Variants in MTHFSD observed in about 807,000 individuals in gnomAD.
MTHFSD encodes methenyltetrahydrofolate synthase domain-containing protein.
A neutral mutation model predicts 31.1 loss-of-function variants in MTHFSD; 37 were observed. That is an observed-to-expected ratio of 1.19 (90% CI 0.91 to 1.56). MTHFSD has a LOEUF of 1.56. MTHFSD is among the 40% of genes most tolerant of loss of function. The probability of loss-of-function intolerance (pLI) is 0.00; values close to 1 mark genes in which losing one functional copy is unlikely to be tolerated. For missense variants in MTHFSD, 664 were observed against 510.1 expected, an observed-to-expected ratio of 1.30 and a Z score of -2.91; for synonymous variants, 221 against 206.9, an observed-to-expected ratio of 1.07 and a Z score of -0.59.
intron 7 of MTHFSD, among the ~76,000 whole-genome samples, chr16:86,534,435 G>A (rs1970398380): frequency 6.6e-6 from 1 of 152,130 alleles, no homozygotes; most frequent in African/African-American, 2.4e-5. Flanking sequence ...GTGAAGCCTC[G>A]CCTGAGAATG....
At chr16:86,532,657 T>C (rs1017323547) in intron 7 of MTHFSD, 176 bp from the exon 8 acceptor site, 6 of 429,754 alleles carry the variant, frequency 1.4e-5, no homozygotes, top group Non-Finnish European at 2.4e-5. Context: ...ACACAGACGA[T>C]GTCACCAGTC....
At chr16:86,555,093 C>T (rs1973901921) in intron 1 of MTHFSD, 76 bp downstream of exon 1, 3 of 1,516,030 alleles carry the variant, frequency 2.0e-6, no homozygotes, top group Non-Finnish European at 2.6e-6. Flanking sequence ...GCCCCGGTGG[C>T]CCCGCCTCGA....
rs202063798 is a variant in MTHFSD, at chr16:86,532,001, G to A, written c.*10C>T. The A allele has an allele frequency of 2.1e-5, 30 of 1,456,010 alleles. No individual in the cohort carries two copies. The East Asian group carries it at 7.0e-4, about 34-fold the overall frequency. The allele number at this position is 1,456,010 out of a possible 1,614,324, so 90.2% of individuals were successfully genotyped here. Reference sequence around the variant, plus strand: ...CGAGTCTGCAGTGAGCTCCGTGGCTGTCCACGAGGTCACTTGTCCCTCTGC... The same window carrying A: ...CGAGTCTGCAGTGAGCTCCGTGGCTATCCACGAGGTCACTTGTCCCTCTGC... On this transcript the variant is annotated 3_prime_UTR_variant, in exon 8 of 8. Coordinates refer to ENST00000360900, the MANE Select transcript of MTHFSD (RefSeq NM_001159377.2).
intron 3 of MTHFSD, among the ~76,000 whole-genome samples, chr16:86,549,833 T>C (rs572042674): frequency 9.8e-5 from 15 of 152,346 alleles, no homozygotes; most frequent in African/African-American, 1.7e-4. Flanking sequence ...GGAGTACTGA[T>C]TGAACAGAAT....
At position 86,531,234 on chromosome 16, in the gene MTHFSD, G is replaced by C. The variant is rs1048751604; in HGVS notation, c.*777C>G. 2 of 152,236 alleles carry C rather than the reference G, an allele frequency of 1.3e-5. No individual in the cohort carries two copies. The highest frequency in any genetic ancestry group is 1.3e-4 in the Admixed American group (2 of 15,282). 9.4% of individuals were successfully genotyped at this position (152,236 alleles called of 1,614,324 possible). ...TCAGCCAAACTCAAGCTGGTTTTTA[G>C]AAACAGAACTGGAGGAAAAAAACCC... On this transcript the variant is annotated 3_prime_UTR_variant, in exon 8 of 8. Transcript: ENST00000360900. The surrounding 1 kb of genome is among the most constrained non-coding windows in gnomAD (Gnocchi z 5.5).
Position 86,532,329 on chromosome 16 carries a change from C to T in MTHFSD, c.834G>A (p.Arg278=). ...TTTCTGGTCCGGGTGTGTCCGGGGG[C>T]CTCCTGCCAACACTCAGGGGCACTG... ...QQTVPLSVGR[R]PPDTPGPETN... Residue 278 remains arginine (R), a synonymous_variant, in exon 8 of 8, where the codon AGG becomes AGA. Coordinates refer to ENST00000360900, the MANE Select transcript of MTHFSD (RefSeq NM_001159377.2). 1.3e-6 allele frequency: 2 copies of T among 1,595,150 alleles called. No individual in the cohort carries two copies. The highest frequency in any genetic ancestry group is 1.7e-6 in the Non-Finnish European group (2 of 1,171,604).
At chr16:86,539,446 C>G (rs1291790202) in intron 7 of MTHFSD, among the ~76,000 whole-genome samples, 1 of 152,242 alleles carries the variant, frequency 6.6e-6, no homozygotes, top group Non-Finnish European at 1.5e-5. Context: ...TTGACTGCGG[C>G]CATGCTCCCA....
chr16:86,553,209 C>A (rs544814864), intron 2 of MTHFSD: 1 of 152,246 alleles, frequency 6.6e-6, no homozygotes, highest in Admixed American at 6.5e-5. Flanking sequence ...TGCTTCCGGC[C>A]AGGATAAATA....
At chr16:86,543,078 A>G (rs1404434794) in intron 5 of MTHFSD, among the ~76,000 whole-genome samples, 1 of 152,256 alleles carries the variant, frequency 6.6e-6, no homozygotes, top group Non-Finnish European at 1.5e-5. Context: ...AAACAAGAGA[A>G]AGAAAATTCA....
intron 2 of MTHFSD, among the ~76,000 whole-genome samples, chr16:86,554,228 G>T (rs565426192): frequency 5.9e-5 from 9 of 152,272 alleles, no homozygotes; most frequent in East Asian, 1.9e-4. Flanking sequence ...GCTAAGGTCT[G>T]CAGCTTCACT....
Position 86,532,448 on chromosome 16 carries a change from G to T in MTHFSD, c.715C>A (p.Leu239Met), listed in dbSNP as rs183105616. The change falls in exon 8 of 8, where the codon CTG becomes ATG. Residue 239 changes from leucine to methionine, a missense_variant. By Grantham distance (15) the Leu-to-Met change is conservative (BLOSUM62 2). Transcript: ENST00000360900. ...SLEMMEKIPI[L>M]RSLRAREQQA... is the part of the protein sequence containing the mutation. Reference sequence around the variant, plus strand: ...TGCTCTCGGGCGCGGAGGCTCCTCAGTATGGGGATTTTCTCCATCATCTCC... The same window carrying T: ...TGCTCTCGGGCGCGGAGGCTCCTCATTATGGGGATTTTCTCCATCATCTCC... 10 of 1,449,314 alleles carry T rather than the reference G, an allele frequency of 6.9e-6. No individual in the cohort carries two copies. In the Middle Eastern group the frequency reaches 5.5e-4, roughly 79 times the overall value. 89.8% of individuals were successfully genotyped at this position (1,449,314 alleles called of 1,614,324 possible). A position where few individuals can be genotyped will look rare whatever the true frequency, so the allele number is the denominator to read the frequency against.
chr16:86,550,158 C>T (rs1365333880), intron 3 of MTHFSD, among the ~76,000 whole-genome samples: 2 of 152,228 alleles, frequency 1.3e-5, no homozygotes, highest in Non-Finnish European at 2.9e-5. Context: ...CAGGAACTTG[C>T]ATCTTTACCT....
chr16:86,554,840 G>A lies in MTHFSD; in HGVS notation c.17-89C>T, dbSNP rs1158370325. Reference sequence around the variant, plus strand: ...TTAACAGTAGTTAAGCGACCCCCGCGTGTAGGTCAAACCGGCTTCCGATCC... The same window carrying A: ...TTAACAGTAGTTAAGCGACCCCCGCATGTAGGTCAAACCGGCTTCCGATCC... On this transcript the variant is annotated intron_variant, in intron 1 of 7. Coordinates refer to ENST00000360900, the MANE Select transcript of MTHFSD (RefSeq NM_001159377.2). The A allele has an allele frequency of 2.5e-6, 3 of 1,213,366 alleles. No individual in the cohort carries two copies. The Admixed American group carries it at 6.3e-5, about 25-fold the overall frequency. The allele number at this position is 1,213,366 out of a possible 1,614,324, so 75.2% of individuals were successfully genotyped here. A position where few individuals can be genotyped will look rare whatever the true frequency, so the allele number is the denominator to read the frequency against.
Position 86,531,609 on chromosome 16 carries a change from T to G in MTHFSD, c.*402A>C. ...CAGCATCCAGTCCCTGCCAGGGCCT[T>G]TTGAGAGCCGGATCCTTTGTTCATC... is the stretch of plus-strand genomic sequence containing the variant. On this transcript the variant is annotated 3_prime_UTR_variant, in exon 8 of 8. Transcript: ENST00000360900. The surrounding 1 kb of genome is among the most constrained non-coding windows in gnomAD (Gnocchi z 5.5). The G allele has an allele frequency of 6.4e-6, 1 of 157,336 alleles. No individual in the cohort carries two copies. The highest frequency in any genetic ancestry group is 1.4e-5 in the Non-Finnish European group (1 of 71,594). 9.7% of individuals were successfully genotyped at this position (157,336 alleles called of 1,614,324 possible). A position where few individuals can be genotyped will look rare whatever the true frequency, so the allele number is the denominator to read the frequency against.
chr16:86,553,896 C>G (rs1973595326), intron 2 of MTHFSD, among the ~76,000 whole-genome samples: 1 of 152,188 alleles, frequency 6.6e-6, no homozygotes, highest in African/African-American at 2.4e-5. Flanking sequence ...CTGTGTCTAG[C>G]TCAGAGTTTG....
At chr16:86,547,148 C>T (rs927290705) in intron 4 of MTHFSD, 1 of 984,668 alleles carries the variant, frequency 1.0e-6, no homozygotes, top group Non-Finnish European at 1.2e-6. Context: ...TCAGTAAACA[C>T]TGTATGACAT....
rs1970077600 is a variant in MTHFSD at position 86,532,291 on chromosome 16, T to C, written c.872A>G (p.Glu291Gly). The C allele has an allele frequency of 6.4e-7, 1 of 1,574,522 alleles. No homozygotes were observed. The highest frequency in any genetic ancestry group is 8.6e-7 in the Non-Finnish European group (1 of 1,162,978). Residue 291 changes from glutamate to glycine, a missense_variant, in exon 8 of 8, where the codon GAG becomes GGG. Glu to Gly is a moderately conservative substitution (Grantham distance 98). Transcript: ENST00000360900. ...CCCTGGTGGGGAGCCAGGGGCTGCC[T>C]CCATGGAATTGGTTTCTGGTCCGGG... ...DTPGPETNSM[E>G]AAPGSPPGEG... is the part of the protein sequence containing the mutation.
chr16:86,544,687 C>G (rs1205776565), intron 5 of MTHFSD, among the ~76,000 whole-genome samples: 2 of 152,186 alleles, frequency 1.3e-5, no homozygotes, highest in African/African-American at 2.4e-5. Context: ...ACCATTTGAC[C>G]TAGCAATCCC....
rs367592216 is a variant in MTHFSD at position 86,548,401 on chromosome 16, T to C, written c.351+63A>G. On this transcript the variant is annotated intron_variant, in intron 4 of 7. Transcript: ENST00000360900. ...CTGTGTGCTGCTATCTTATGCTAAGTCGTCAGAAGCCTTCACAGGGTACAG... is the reference window on the plus strand; with the variant it reads ...CTGTGTGCTGCTATCTTATGCTAAGCCGTCAGAAGCCTTCACAGGGTACAG... The C allele has an allele frequency of 2.3e-6, 3 of 1,277,812 alleles. No homozygotes were observed. The African/African-American group carries it at 4.5e-5, about 19-fold the overall frequency. 79.2% of individuals were successfully genotyped at this position (1,277,812 alleles called of 1,614,324 possible).
Sources: allele counts gnomAD v4.1 joint callset (sites outside exome capture counted in the v4.1 genomes callset), GRCh38; gene constraint gnomAD v4.1.1; non-coding constraint Gnocchi (gnomAD v3.1); transcripts MANE v1.5; gene names NCBI Gene and HGNC (gene_info 2026-07-23, HGNC 2026-07-21).